Variants in NEGR1 observed in about 807,000 individuals in gnomAD.
NEGR1 encodes IgLON family member 4.
A neutral mutation model predicts 40.9 loss-of-function variants in NEGR1; 10 were observed. The observed-to-expected ratio is 0.24, with a 90% confidence interval of 0.15 to 0.42. The LOEUF (loss-of-function observed/expected upper bound fraction) is 0.42. Among genes scored for constraint, NEGR1 ranks in the 10% least tolerant of loss-of-function variants. The probability of loss-of-function intolerance (pLI) is 1.00; values close to 1 mark genes in which losing one functional copy is unlikely to be tolerated. For missense variants in NEGR1, 352 were observed against 438.9 expected, an observed-to-expected ratio of 0.80 and a Z score of 1.77; for synonymous variants, 185 against 166.8, an observed-to-expected ratio of 1.11 and a Z score of -0.84.
intron 2 of NEGR1, among the ~76,000 whole-genome samples, chr1:71,849,653 T>C (rs1421038520): frequency 6.6e-6 from 1 of 152,170 alleles, no homozygotes; most frequent in Non-Finnish European, 1.5e-5. Flanking sequence ...AAATATGTTG[T>C]GAAAGGAGGA....
intron 2 of NEGR1, among the ~76,000 whole-genome samples, chr1:71,928,115 T>C (rs1363814393): frequency 9.8e-5 from 10 of 101,786 alleles, no homozygotes; most frequent in African/African-American, 2.6e-4. Context: ...TATATACACA[T>C]ATGTATATAT....
intron 6 of NEGR1, among the ~76,000 whole-genome samples, chr1:71,557,315 T>C (rs1041404834): frequency 1.3e-5 from 2 of 151,572 alleles, no homozygotes; most frequent in African/African-American, 4.8e-5. Flanking sequence ...GAACTGGTAA[T>C]ACTTAAAGAG....
intron 1 of NEGR1, among the ~76,000 whole-genome samples, chr1:72,061,975 G>C (rs1647183362): frequency 6.6e-6 from 1 of 151,760 alleles, no homozygotes; most frequent in Admixed American, 6.6e-5. Context: ...ATTGCTACCA[G>C]AGATCATTTT....
intron 2 of NEGR1, among the ~76,000 whole-genome samples, chr1:71,804,383 C>T (rs1657675707): frequency 6.6e-6 from 1 of 151,978 alleles, no homozygotes; most frequent in Admixed American, 6.6e-5. Flanking sequence ...TAGCTGGCCT[C>T]ATAGCACAGT....
At chr1:72,218,908 G>A (rs909529268) in intron 1 of NEGR1, among the ~76,000 whole-genome samples, 1 of 152,038 alleles carries the variant, frequency 6.6e-6, no homozygotes, top group African/African-American at 2.4e-5. Flanking sequence ...TGTTTGCAGA[G>A]AGGAAATCTA....
chr1:71,788,828 ATGTT>A (rs1657005490), intron 2 of NEGR1, among the ~76,000 whole-genome samples: 1 of 152,060 alleles, frequency 6.6e-6, no homozygotes, highest in South Asian at 2.1e-4. Context: ...TGGTTAGAAA[ATGTT>A]TGTCATTTGC....
intron 3 of NEGR1, among the ~76,000 whole-genome samples, chr1:71,752,300 C>T (rs560230333): frequency 3.9e-5 from 6 of 152,164 alleles, no homozygotes; most frequent in South Asian, 2.1e-4. Flanking sequence ...GCTCTTGCCA[C>T]GTGAAAGAAG....
chr1:71,905,148 A>G (rs1002375672), intron 2 of NEGR1, among the ~76,000 whole-genome samples: 6 of 152,280 alleles, frequency 3.9e-5, no homozygotes, highest in African/African-American at 1.4e-4. Flanking sequence ...CTGGAAAAAT[A>G]CTTGAAGTGT....
rs551157601 is a variant in NEGR1 at position 71,508,916 on chromosome 1, C to T, written c.940+83901G>A. Among the ~76,000 whole-genome samples, 4 of 152,318 alleles carry T rather than the reference C, an allele frequency of 2.6e-5. No homozygotes were observed. The East Asian group carries it at 5.8e-4, about 22-fold the overall frequency. ...CACGGGTATATGGGTGAGGGGCAGA[C>T]ATCACAGGGGAAGACCCCCTAGGGT... On this transcript the variant is annotated intron_variant, in intron 6 of 6. Coordinates refer to ENST00000357731, the MANE Select transcript of NEGR1 (RefSeq NM_173808.3).
chr1:72,012,221 A>G (rs1646662983), intron 1 of NEGR1, among the ~76,000 whole-genome samples: 1 of 152,144 alleles, frequency 6.6e-6, no homozygotes. Context: ...CTTTGTCAAC[A>G]GTCTGCTTTT....
intron 1 of NEGR1, among the ~76,000 whole-genome samples, chr1:72,161,341 G>A (rs1159260854): frequency 6.6e-6 from 1 of 152,044 alleles, no homozygotes; most frequent in South Asian, 2.1e-4. Flanking sequence ...TCTGGTGTTA[G>A]AAGTTAGCTG....
chr1:72,214,329 C>T (rs958571368), intron 1 of NEGR1, among the ~76,000 whole-genome samples: 1 of 152,098 alleles, frequency 6.6e-6, no homozygotes, highest in Non-Finnish European at 1.5e-5. Flanking sequence ...CCTCTCTCAC[C>T]ACTCCTATTC....
chr1:72,046,190 A>G (rs1362062484), intron 1 of NEGR1, among the ~76,000 whole-genome samples: 1 of 151,666 alleles, frequency 6.6e-6, no homozygotes, highest in South Asian at 2.1e-4. Context: ...CCTATAATAG[A>G]GCAAAAATGC....
intron 1 of NEGR1, among the ~76,000 whole-genome samples, chr1:72,118,070 A>G (rs1189101683): frequency 6.6e-6 from 1 of 151,860 alleles, no homozygotes; most frequent in Admixed American, 6.6e-5. Flanking sequence ...AAAGCTAGAT[A>G]TAATTTTTGG....
chr1:71,820,618 G>A (rs1031267403), intron 2 of NEGR1, among the ~76,000 whole-genome samples: 2 of 151,920 alleles, frequency 1.3e-5, no homozygotes, highest in African/African-American at 4.8e-5. Flanking sequence ...ATCTTATAGA[G>A]TATCTACTAA....
intron 2 of NEGR1, among the ~76,000 whole-genome samples, chr1:71,813,359 A>G (rs570924938): frequency 4.2e-4 from 64 of 152,076 alleles, no homozygotes; most frequent in African/African-American, 1.5e-3. Context: ...TTGAAGTCAA[A>G]TAGCATGATG....
chr1:72,043,608 T>C (rs768267698), intron 1 of NEGR1, among the ~76,000 whole-genome samples: 11 of 151,966 alleles, frequency 7.2e-5, no homozygotes, highest in Non-Finnish European at 1.5e-4. Flanking sequence ...AAATGAACTG[T>C]ATATTCCATA....
At chr1:72,161,676 CTTTTTT>C (rs779074685) in intron 1 of NEGR1, among the ~76,000 whole-genome samples, 5 of 84,568 alleles carry the variant, frequency 5.9e-5, no homozygotes, top group African/African-American at 2.5e-4. Context: ...TTCTTTCTTT[CTTTTTT>C]TTTTTTTTTT....
At chr1:71,745,338 C>G (rs1365193232) in intron 3 of NEGR1, among the ~76,000 whole-genome samples, 2 of 152,172 alleles carry the variant, frequency 1.3e-5, no homozygotes, top group Non-Finnish European at 2.9e-5. Flanking sequence ...TGGCTGCTCT[C>G]TGGACTAAAA....
Sources: gnomAD v4.1 joint callset for allele counts (sites outside exome capture counted in the v4.1 genomes callset) on GRCh38, gnomAD v4.1.1 for gene constraint, MANE v1.5 for transcripts, NCBI Gene and HGNC (gene_info 2026-07-23, HGNC 2026-07-21) for gene names.